FRMPD2: variants seen among roughly 807,000 people sequenced by gnomAD.
The protein encoded by FRMPD2 is FERM and PDZ domain containing 2.
FRMPD2 carries 96 observed loss-of-function variants against 140.1 expected under a neutral mutation model. The observed-to-expected ratio is 0.69, with a 90% confidence interval of 0.58 to 0.81. The LOEUF (loss-of-function observed/expected upper bound fraction) is 0.81. FRMPD2 is among the 40% of genes least tolerant of loss of function. The pLI, the probability that FRMPD2 is intolerant of heterozygous loss-of-function variation, is 0.00. For missense variants in FRMPD2, 1,240 were observed against 1,447.4 expected (o/e 0.86, Z 2.32); for synonymous variants, 449 against 547.6 (o/e 0.82, Z 2.52).
chr10:48,194,121 T>C (rs1838900702), intron 15 of FRMPD2, among the ~76,000 whole-genome samples: 2 of 152,240 alleles, frequency 1.3e-5, no homozygotes, highest in South Asian at 4.1e-4. Context: ...CAACTACTAA[T>C]ATTTGCTGAA....
At position 48,236,512 on chromosome 10, in the gene FRMPD2, C is replaced by T. The variant is rs116392343; in HGVS notation, c.963G>A (p.Pro321=). ...CCGATCCCGGCAGATGTAGTGTCAT[C>T]GGGGCCTCTCCAGCCAACAGGATGA... is the stretch of plus-strand genomic sequence containing the variant. The part of the protein sequence containing the change: ...PEFILLAGEA[P]MTLHLPGSVV... The change falls in exon 9 of 29, where the codon CCG becomes CCA. Residue 321 remains proline, a synonymous_variant. Coordinates refer to ENST00000374201, the MANE Select transcript of FRMPD2 (RefSeq NM_001018071.4). 7.6e-5 allele frequency: 123 copies of T among 1,614,190 alleles called. 1 individual carries two copies. The East Asian group carries it at 1.8e-3, about 23-fold the overall frequency.
chr10:48,260,818 T>C (rs1227476948), intron 1 of FRMPD2, among the ~76,000 whole-genome samples: 1 of 152,210 alleles, frequency 6.6e-6, no homozygotes, highest in Non-Finnish European at 1.5e-5. Context: ...GACTCTGATA[T>C]AGCAGAAATC....
intron 10 of FRMPD2, among the ~76,000 whole-genome samples, chr10:48,224,483 G>T (rs1433109349): frequency 1.3e-5 from 2 of 152,168 alleles, no homozygotes; most frequent in Admixed American, 1.3e-4. Context: ...GATTTAAACA[G>T]CTGTCACCAC....
rs546356023 is a variant in FRMPD2, at chr10:48,223,831, C to T, written c.1169-561G>A. On this transcript the variant is annotated intron_variant, in intron 10 of 28. Transcript: ENST00000374201. Reference sequence around the variant, plus strand: ...CATGATGGGATCAGCATCCTTATAACAGGAGGAAGACACCAGAGCTTCCTC... The same window carrying T: ...CATGATGGGATCAGCATCCTTATAATAGGAGGAAGACACCAGAGCTTCCTC... Among the ~76,000 whole-genome samples the T allele has an allele frequency of 3.9e-5, 6 of 152,290 alleles. No individual in the cohort carries two copies. In the South Asian group the frequency reaches 1.2e-3, roughly 32 times the overall value.
At chr10:48,238,565 G>A (rs1840024023) in intron 7 of FRMPD2, among the ~76,000 whole-genome samples, 1 of 152,202 alleles carries the variant, frequency 6.6e-6, no homozygotes, top group Admixed American at 6.5e-5. Flanking sequence ...GTTTTAAATG[G>A]CAGGAAAAAG....
At chr10:48,255,560 T>C (rs1374068641) in intron 1 of FRMPD2, among the ~76,000 whole-genome samples, 1 of 152,082 alleles carries the variant, frequency 6.6e-6, no homozygotes, top group East Asian at 1.9e-4. Flanking sequence ...TGAGGAACAA[T>C]GTTAACAACC....
chr10:48,238,006 C>A lies in FRMPD2; in HGVS notation c.906G>T (p.Leu302=). The A allele has an allele frequency of 6.2e-7, 1 of 1,614,174 alleles. No individual in the cohort carries two copies. The highest frequency in any genetic ancestry group is 8.5e-7 in the Non-Finnish European group (1 of 1,180,036). Reference sequence around the variant, plus strand: ...TTTTGCTTACCTTGCTCCTTCTTTGCAGAAAACCCCTCTGAGAAGGAGTTG... The same window carrying A: ...TTTTGCTTACCTTGCTCCTTCTTTGAAGAAAACCCCTCTGAGAAGGAGTTG... ...WPTTPSQRGF[L]QRRSKFSRPE... is the part of the protein sequence containing the mutation. Residue 302 remains leucine, a synonymous_variant, in exon 8 of 29, where the codon CTG becomes CTT. Coordinates refer to ENST00000374201, the MANE Select transcript of FRMPD2 (RefSeq NM_001018071.4).
At chr10:48,236,801 C>T (rs1477854692) in intron 8 of FRMPD2, among the ~76,000 whole-genome samples, 1 of 151,980 alleles carries the variant, frequency 6.6e-6, no homozygotes, top group African/African-American at 2.4e-5. Context: ...CAGGGGTGTT[C>T]GGGGTGAATT....
At position 48,249,042 on chromosome 10, in the gene FRMPD2, A is replaced by T; in HGVS notation, c.288T>A (p.Asp96Glu). 1.9e-6 allele frequency: 3 copies of T among 1,612,214 alleles called. No homozygotes were observed. The highest frequency in any genetic ancestry group is 2.5e-6 in the Non-Finnish European group (3 of 1,179,112). ...APELLQGQSE[D>E]EQPDASQMHV... The stretch of plus-strand genomic sequence containing the variant: ...TTACCTGAGATGCATCAGGCTGCTC[A>T]TCCTCACTCTGTCCCTGTAGCAGTT... The change falls in exon 3 of 29, where the codon GAT becomes GAA. Residue 96 changes from aspartate to glutamate, a missense_variant. Transcript: ENST00000374201.
intron 9 of FRMPD2, 73 bp downstream of exon 9, chr10:48,236,409 C>T (rs1367094281): frequency 4.6e-6 from 6 of 1,291,680 alleles, no homozygotes; most frequent in African/African-American, 4.4e-5. Context: ...CCCATTCAGA[C>T]ACAATTGGCC....
intron 15 of FRMPD2, 156 bp from the exon 16 acceptor site, chr10:48,193,050 A>C (rs1466899132): frequency 3.2e-6 from 2 of 629,564 alleles, no homozygotes; most frequent in Non-Finnish European, 5.6e-6. Context: ...TGGGAATGCA[A>C]GGTCTCCTAA....
At chr10:48,261,071 G>A (rs1027165496) in intron 1 of FRMPD2, among the ~76,000 whole-genome samples, 1 of 152,140 alleles carries the variant, frequency 6.6e-6, no homozygotes, top group Non-Finnish European at 1.5e-5. Context: ...GGAGCTTAAA[G>A]ATGTGTCAGT....
intron 15 of FRMPD2, among the ~76,000 whole-genome samples, chr10:48,193,419 T>C (rs919859378): frequency 1.3e-5 from 2 of 152,224 alleles, no homozygotes; most frequent in African/African-American, 2.4e-5. Flanking sequence ...TTTCCTGAAA[T>C]ATAATATGAG....
intron 12 of FRMPD2, 140 bp from the exon 13 acceptor site, chr10:48,212,249 A>T: frequency 2.6e-6 from 2 of 760,896 alleles, no homozygotes. Context: ...CACCTGGGAT[A>T]TTATTTTCTA....
intron 25 of FRMPD2, 97 bp downstream of exon 25, chr10:48,172,849 C>T (rs1838297984): frequency 1.2e-6 from 1 of 823,940 alleles, no homozygotes; most frequent in East Asian, 2.4e-5. Context: ...TTTCAGGACC[C>T]AGAGGAAGCC....
intron 27 of FRMPD2, among the ~76,000 whole-genome samples, chr10:48,163,995 G>A (rs1421725537): frequency 2.0e-5 from 3 of 151,088 alleles, no homozygotes; most frequent in Admixed American, 2.0e-4. Flanking sequence ...GATAAGAAAT[G>A]TTTTCTTTTT....
chr10:48,231,009 T>C (rs61108444), intron 10 of FRMPD2, among the ~76,000 whole-genome samples: 5,548 of 152,208 alleles, frequency 0.036, 129 homozygotes, highest in Non-Finnish European at 0.042. Context: ...TTTCCAAACC[T>C]CCATGTTGCT....
intron 12 of FRMPD2, among the ~76,000 whole-genome samples, chr10:48,218,206 C>T (rs1702547826): frequency 6.6e-6 from 1 of 152,164 alleles, no homozygotes; most frequent in Non-Finnish European, 1.5e-5. Context: ...CCCTAACAGC[C>T]TCATCTCAAA....
At chr10:48,251,984 T>G (rs1230845152) in intron 1 of FRMPD2, among the ~76,000 whole-genome samples, 1 of 152,198 alleles carries the variant, frequency 6.6e-6, no homozygotes, top group Non-Finnish European at 1.5e-5. Flanking sequence ...AACAACCAAA[T>G]GAAACATGAG....
Sources: gnomAD v4.1 joint callset for allele counts (sites outside exome capture counted in the v4.1 genomes callset) on GRCh38, gnomAD v4.1.1 for gene constraint, MANE v1.5 for transcripts, NCBI Gene and HGNC (gene_info 2026-07-23, HGNC 2026-07-21) for gene names.